SLC2A3: variants seen among roughly 807,000 people sequenced by gnomAD.
The protein encoded by SLC2A3 is solute carrier family 2 member 3.
Under a neutral mutation model 46.4 loss-of-function variants are expected in SLC2A3, and 21 were observed. That is an observed-to-expected ratio of 0.45 (90% CI 0.32 to 0.65). The LOEUF is 0.65. Ranked by LOEUF, SLC2A3 falls within the 30% of genes least tolerant of loss-of-function variation. The pLI is 0.04. For synonymous variants in SLC2A3, 213 were observed against 239.4 expected (o/e 0.89, Z 1.02); for missense variants, 499 against 623.3 (o/e 0.80, Z 2.12).
In SLC2A3 at chr12:7,930,655, C is replaced by A. The variant is rs757468026; in HGVS notation, c.511-13G>T. 6.2e-7 allele frequency: 1 copy of A among 1,610,950 alleles called. No homozygotes were observed. The highest frequency in any genetic ancestry group is 8.5e-7 in the Non-Finnish European group (1 of 1,178,558). ...CCAGACCAAAGATCTAGAAACCACA[C>A]AAAGATAATGCTATAAACCCCATAC... On this transcript the variant is annotated splice_polypyrimidine_tract_variant and intron_variant, in intron 4 of 9. Transcript: ENST00000075120.
intron 5 of SLC2A3, chr12:7,930,100 C>G (rs1946136087): frequency 2.3e-6 from 2 of 884,734 alleles, no homozygotes; most frequent in Admixed American, 6.3e-5. Flanking sequence ...ATTCTCCTGC[C>G]TCAGCCTCCC....
intron 4 of SLC2A3, among the ~76,000 whole-genome samples, chr12:7,931,021 C>T (rs1323543454): frequency 6.6e-6 from 1 of 152,058 alleles, no homozygotes; most frequent in Non-Finnish European, 1.5e-5. Flanking sequence ...TGGTCTTCAT[C>T]TGCTGACCTC....
At chr12:7,930,119 G>A (rs1946136458) in intron 5 of SLC2A3, 1 of 725,412 alleles carries the variant, frequency 1.4e-6, no homozygotes, top group Non-Finnish European at 2.1e-6. Flanking sequence ...CCAAGTAGCT[G>A]GGATTACAGG....
intron 6 of SLC2A3, chr12:7,929,459 T>C: frequency 1.6e-6 from 1 of 626,582 alleles, no homozygotes; most frequent in Non-Finnish European, 2.6e-6. Flanking sequence ...GGGTCTTTTT[T>C]TTTTTTCCTT....
intron 9 of SLC2A3, among the ~76,000 whole-genome samples, chr12:7,922,404 C>T (rs1276246039): frequency 6.6e-6 from 1 of 151,968 alleles, no homozygotes; most frequent in East Asian, 1.9e-4. Context: ...CTGCAATTTT[C>T]CATTTAATAT....
At chr12:7,931,621 T>C in intron 3 of SLC2A3, 136 bp from the exon 4 acceptor site, 1 of 1,332,442 alleles carries the variant, frequency 7.5e-7, no homozygotes, top group Non-Finnish European at 1.0e-6. Context: ...TTTTTCACTT[T>C]CTATTATCAG....
chr12:7,933,476 G>A (rs1387747931), intron 2 of SLC2A3: 3 of 461,418 alleles, frequency 6.5e-6, no homozygotes, highest in African/African-American at 3.9e-5. Context: ...GAACAGCACC[G>A]CCCAGCGTTC....
At chr12:7,923,053 A>C in intron 8 of SLC2A3, 29 bp from the exon 9 acceptor site, 1 of 1,590,574 alleles carries the variant, frequency 6.3e-7, no homozygotes, top group Non-Finnish European at 8.6e-7. Context: ...GAGAAAATTA[A>C]ATTTAAAGAC....
intron 6 of SLC2A3, among the ~76,000 whole-genome samples, chr12:7,928,615 A>G (rs1189581554): frequency 1.3e-5 from 2 of 151,808 alleles, no homozygotes; most frequent in East Asian, 1.9e-4. Context: ...CGCAAGGTAC[A>G]TTCTTTAAAG....
chr12:7,923,306 C>CT (rs1946058433), intron 8 of SLC2A3: 1 of 331,058 alleles, frequency 3.0e-6, no homozygotes, highest in East Asian at 5.6e-5. Flanking sequence ...ATCGCTTGGA[C>CT]TTGAAGCATG....
rs879154097 is a variant in SLC2A3, at chr12:7,920,458, A to G, written c.*955T>C. The G allele has an allele frequency of 1.2e-4, 19 of 152,148 alleles. No individual in the cohort carries two copies. Among genetic ancestry groups the G allele is most frequent in the African/African-American group, 3.9e-4 (16 of 41,432 alleles). 9.4% of individuals were successfully genotyped at this position (152,148 alleles called of 1,614,324 possible). Reference sequence around the variant, plus strand: ...CATCCAAAATTAGAACCCATCAACCATCATTAACTACAATGCCCATATTAG... The same window carrying G: ...CATCCAAAATTAGAACCCATCAACCGTCATTAACTACAATGCCCATATTAG... On this transcript the variant is annotated 3_prime_UTR_variant, in exon 10 of 10. Coordinates refer to ENST00000075120, the MANE Select transcript of SLC2A3 (RefSeq NM_006931.3).
chr12:7,920,237 A>C lies in SLC2A3; in HGVS notation c.*1176T>G, dbSNP rs1946021376. On this transcript the variant is annotated 3_prime_UTR_variant, in exon 10 of 10. Transcript: ENST00000075120. ...ATACAACAGAAAATCAACACCTAAAATCTCCTAAAGAACAAAGTGGAAAAA... is the reference window on the plus strand; with the variant it reads ...ATACAACAGAAAATCAACACCTAAACTCTCCTAAAGAACAAAGTGGAAAAA... The C allele has an allele frequency of 6.6e-6, 1 of 152,296 alleles. No homozygotes were observed. Among genetic ancestry groups the C allele is most frequent in the African/African-American group, 2.4e-5 (1 of 41,362 alleles). The allele number at this position is 152,296 out of a possible 1,614,324, so 9.4% of individuals were successfully genotyped here.
rs1364742711 is a variant in SLC2A3 at position 7,919,541 on chromosome 12, C to T, written c.*1872G>A. On this transcript the variant is annotated 3_prime_UTR_variant, in exon 10 of 10. Coordinates refer to ENST00000075120, the MANE Select transcript of SLC2A3 (RefSeq NM_006931.3). ...GGTTCACATGATTCTCCCGCCTCAG[C>T]TTCCCAAGTAGCTGGGATTACAGGC... 1.3e-5 allele frequency: 2 copies of T among 152,358 alleles called. No homozygotes were observed. Among genetic ancestry groups the T allele is most frequent in the Non-Finnish European group, 2.9e-5 (2 of 68,184 alleles). The allele number at this position is 152,358 out of a possible 1,614,324, so 9.4% of individuals were successfully genotyped here.
intron 7 of SLC2A3, chr12:7,925,572 A>G (rs1019615231): frequency 3.2e-6 from 1 of 314,878 alleles, no homozygotes; most frequent in African/African-American, 2.1e-5. Context: ...CAGTGGAGTA[A>G]CAGAGCTTGA....
At chr12:7,926,785 T>C (rs11056509) in intron 6 of SLC2A3, among the ~76,000 whole-genome samples, 4 of 152,184 alleles carry the variant, frequency 2.6e-5, no homozygotes, top group African/African-American at 7.2e-5. Context: ...AAGCAGAGGT[T>C]GGGCTGTATT....
chr12:7,923,613 CA>C (rs58874969), intron 8 of SLC2A3, among the ~76,000 whole-genome samples: 6 of 149,764 alleles, frequency 4.0e-5, no homozygotes, highest in East Asian at 2.0e-4. Context: ...AACCCTGTCT[CA>C]AAAAAAAAAT....
chr12:7,927,003 C>T (rs1042954567), intron 6 of SLC2A3, among the ~76,000 whole-genome samples: 3 of 152,108 alleles, frequency 2.0e-5, no homozygotes, highest in Admixed American at 6.6e-5. Flanking sequence ...CCGAGGTTCA[C>T]TTCAGTTTAT....
chr12:7,930,792 GTTTT>G (rs66814289), intron 4 of SLC2A3, 150 bp from the exon 5 acceptor site: 2,601 of 245,746 alleles, frequency 0.011, no homozygotes, highest in Middle Eastern at 0.019. Context: ...ACTCAGCATG[GTTTT>G]TTTTTTTTTT....
intron 6 of SLC2A3, among the ~76,000 whole-genome samples, chr12:7,929,288 G>C (rs1055855783): frequency 3.3e-5 from 5 of 152,098 alleles, no homozygotes; most frequent in Admixed American, 6.6e-5. Context: ...GCTGATATTT[G>C]CATGGAATAC....
Sources: gnomAD v4.1 joint callset for allele counts (sites outside exome capture counted in the v4.1 genomes callset) on GRCh38, gnomAD v4.1.1 for gene constraint, MANE v1.5 for transcripts, NCBI Gene and HGNC (gene_info 2026-07-23, HGNC 2026-07-21) for gene names.